NPRL3: variants seen among roughly 807,000 people sequenced by gnomAD.
The protein encoded by NPRL3 is NPR3 like, GATOR1 complex subunit, also known as GATOR1 complex protein NPRL3.
NPRL3 carries 23 observed loss-of-function variants against 57.2 expected under a neutral mutation model. That is an observed-to-expected ratio of 0.40 (90% CI 0.29 to 0.57). NPRL3 has a LOEUF of 0.57. Ranked by LOEUF, NPRL3 falls within the 20% of genes least tolerant of loss-of-function variation. NPRL3 has a pLI of 0.42. For synonymous variants in NPRL3, 333 were observed against 321.1 expected, an observed-to-expected ratio of 1.04 and a Z score of -0.39; for missense variants, 691 against 767.1, an observed-to-expected ratio of 0.90 and a Z score of 1.17.
At chr16:90,137 C>A in intron 11 of NPRL3, 1 of 502,278 alleles carries the variant, frequency 2.0e-6, no homozygotes, top group Non-Finnish European at 3.5e-6. Context: ...CCTGCACAGG[C>A]TCCCACCACA....
chr16:130,639 C>A (rs1447699514), intron 2 of NPRL3, 48 bp from the exon 3 acceptor site: 1 of 1,530,244 alleles, frequency 6.5e-7, no homozygotes, highest in Admixed American at 2.0e-5. Flanking sequence ...CAGGGTCCTT[C>A]CACACACAGG....
chr16:110,722 G>T, intron 6 of NPRL3, 116 bp from the exon 7 acceptor site: 3 of 773,248 alleles, frequency 3.9e-6, no homozygotes, highest in East Asian at 3.0e-5. Flanking sequence ...TAATTTTTTT[G>T]TATTTTTGGT....
chr16:87,444 C>T (rs1898530074), intron 13 of NPRL3, among the ~76,000 whole-genome samples: 1 of 151,996 alleles, frequency 6.6e-6, no homozygotes. Context: ...TATATGTTGG[C>T]CAGGCTGGTC....
At chr16:131,353 C>A (rs1378340616) in intron 2 of NPRL3, among the ~76,000 whole-genome samples, 2 of 148,300 alleles carry the variant, frequency 1.3e-5, no homozygotes, top group African/African-American at 5.2e-5. Flanking sequence ...GTGGTGGGTG[C>A]CTGTAGTCCC....
chr16:95,362 C>T lies in NPRL3; in HGVS notation c.925-2037G>A, dbSNP rs866454699. Among the ~76,000 whole-genome samples, 609 of 137,158 alleles carry T rather than the reference C, an allele frequency of 4.4e-3. 5 individuals are homozygous for T. The highest frequency in any genetic ancestry group is 0.01 in the South Asian group (43 of 4,202). 90.0% of individuals were successfully genotyped at this position (137,158 alleles called of 152,430 possible). On this transcript the variant is annotated intron_variant, in intron 9 of 13. Coordinates refer to ENST00000611875, the MANE Select transcript of NPRL3 (RefSeq NM_001077350.3). ...ATATATATATATATACACACACACA[C>T]ACACACACACACACACACACACAAT...
intron 9 of NPRL3, among the ~76,000 whole-genome samples, chr16:95,129 A>C (rs1898932487): frequency 6.6e-6 from 1 of 151,852 alleles, no homozygotes; most frequent in Non-Finnish European, 1.5e-5. Flanking sequence ...TAGAGATTAC[A>C]TTTAGAGCTC....
chr16:88,387 C>CAAAAAAAAAAAA (rs56670370), intron 13 of NPRL3, among the ~76,000 whole-genome samples: 4 of 130,962 alleles, frequency 3.1e-5, no homozygotes, highest in African/African-American at 1.3e-4. Context: ...GACTCCGTCT[C>CAAAAAAAAAAAA]AAAAAAAAAA....
At chr16:114,912 A>C (rs1899963398) in intron 5 of NPRL3, among the ~76,000 whole-genome samples, 1 of 151,876 alleles carries the variant, frequency 6.6e-6, no homozygotes, top group Admixed American at 6.6e-5. Flanking sequence ...CAGGCATATA[A>C]GGTTTGTCAG....
At chr16:137,198 C>T (rs1157879166) in intron 2 of NPRL3, among the ~76,000 whole-genome samples, 4 of 152,064 alleles carry the variant, frequency 2.6e-5, no homozygotes, top group Non-Finnish European at 4.4e-5. Context: ...CCAGCCTGGG[C>T]GACAGAGTGA....
At chr16:125,468 A>T (rs934491078) in intron 3 of NPRL3, among the ~76,000 whole-genome samples, 1 of 152,182 alleles carries the variant, frequency 6.6e-6, no homozygotes, top group Admixed American at 6.5e-5. Context: ...GGAGCATTTT[A>T]CAGACTTGCG....
chr16:109,330 C>A (rs915341280), intron 7 of NPRL3, among the ~76,000 whole-genome samples: 1 of 152,074 alleles, frequency 6.6e-6, no homozygotes, highest in Non-Finnish European at 1.5e-5. Flanking sequence ...GTGAGGTTTT[C>A]ATGGTATCCT....
chr16:96,648 CAAAAAA>C (rs68086908), intron 9 of NPRL3, among the ~76,000 whole-genome samples: 1,267 of 100,268 alleles, frequency 0.013, 12 homozygotes, highest in Middle Eastern at 0.021. Flanking sequence ...CCGTCTCTAC[CAAAAAA>C]AAAAAAAAAA....
At chr16:87,271 A>T (rs918630718) in intron 13 of NPRL3, among the ~76,000 whole-genome samples, 6 of 151,402 alleles carry the variant, frequency 4.0e-5, no homozygotes, top group African/African-American at 1.5e-4. Flanking sequence ...TCACTCAGTC[A>T]CCCAGGCTAG....
At chr16:94,841 G>C (rs1233580326) in intron 9 of NPRL3, among the ~76,000 whole-genome samples, 1 of 152,086 alleles carries the variant, frequency 6.6e-6, no homozygotes, top group African/African-American at 2.4e-5. Context: ...CCCCAGCTCT[G>C]CTCAGCATAG....
intron 5 of NPRL3, among the ~76,000 whole-genome samples, chr16:116,789 C>A (rs1371852252): frequency 7.7e-6 from 1 of 130,396 alleles, no homozygotes; most frequent in African/African-American, 2.7e-5. Context: ...ATGGCGAGAC[C>A]CCCCCCCCCC....
At chr16:98,501 CAGGTCCTGCACG>C (rs926024987) in intron 8 of NPRL3, among the ~76,000 whole-genome samples, 200 bp from the exon 9 acceptor site, 2 of 152,162 alleles carry the variant, frequency 1.3e-5, no homozygotes, top group African/African-American at 4.8e-5. Flanking sequence ...AGGTATGCAC[CAGGTCCTGCACG>C]AGGTCCTGCA....
Position 96,000 on chromosome 16 carries a change from A to G in NPRL3, c.924+2145T>C, listed in dbSNP as rs1898989271. 2.6e-5 allele frequency among the ~76,000 whole-genome samples: 4 copies of G among 152,308 alleles called. No individual in the cohort carries two copies. In the South Asian group the frequency reaches 8.3e-4, roughly 32 times the overall value. On this transcript the variant is annotated intron_variant, in intron 9 of 13. Transcript: ENST00000611875. ...GCTTCCGCACCGCCACACCAGCAGC[A>G]ACGCCCTGCTGACCTGCAGCAGGGA...
chr16:137,510 A>G (rs2562188), intron 2 of NPRL3, among the ~76,000 whole-genome samples: 81,233 of 151,788 alleles, frequency 0.54, 23,323 homozygotes, highest in African/African-American at 0.74. Flanking sequence ...TGTGCTTGCT[A>G]GAACTGGGGG....
Position 133,885 on chromosome 16 carries a change from G to C in NPRL3, c.119-3294C>G, listed in dbSNP as rs1900929364. On this transcript the variant is annotated intron_variant, in intron 2 of 13. Transcript: ENST00000611875. ...AGATAACCAGCTTAATTTCAATATT[G>C]TTGTGTCTAAGGGAACAGGGTGGTC... Among the ~76,000 whole-genome samples, 4 of 152,112 alleles carry C rather than the reference G, an allele frequency of 2.6e-5. No individual in the cohort carries two copies. The South Asian group carries it at 8.3e-4, about 32-fold the overall frequency.
Sources: allele counts gnomAD v4.1 joint callset (sites outside exome capture counted in the v4.1 genomes callset), GRCh38; gene constraint gnomAD v4.1.1; transcripts MANE v1.5; gene names NCBI Gene and HGNC (gene_info 2026-07-23, HGNC 2026-07-21).